The following CLEC7A variants were observed in gnomAD, a reference collection of about 807,000 sequenced individuals.
CLEC7A encodes the protein C-type lectin domain family 7 member A.
A neutral mutation model predicts 26.9 loss-of-function variants in CLEC7A; 25 were observed. The observed-to-expected ratio is 0.93, with a 90% CI of 0.68 to 1.30. The LOEUF (loss-of-function observed/expected upper bound fraction) is 1.30. CLEC7A is among the 50% of genes most tolerant of loss of function. The probability of loss-of-function intolerance (pLI) is 0.00; values close to 1 mark genes in which losing one functional copy is unlikely to be tolerated. For synonymous variants in CLEC7A, 100 were observed against 99.5 expected (o/e 1.01, Z -0.03); for missense variants, 275 against 286.7 (o/e 0.96, Z 0.29).
Position 10,129,929 on chromosome 12 carries a change from C to G in CLEC7A, c.103+51G>C, listed in dbSNP as rs1948433421. 3 of 1,112,062 alleles carry G rather than the reference C, an allele frequency of 2.7e-6. No homozygotes were observed. The South Asian group carries it at 3.9e-5, about 14-fold the overall frequency. 68.9% of individuals were successfully genotyped at this position (1,112,062 alleles called of 1,614,324 possible). A position where few individuals can be genotyped will look rare whatever the true frequency, so the allele number is the denominator to read the frequency against. On this transcript the variant is annotated intron_variant, in intron 1 of 5. Coordinates refer to ENST00000304084, the MANE Select transcript of CLEC7A (RefSeq NM_197947.3). ...CACCATGCCTAGCCTCCCCTTATAT[C>G]TTTTCAAACGGGAGAGCTAAAGGCA...
chr12:10,121,985 G>A (rs753423167), intron 5 of CLEC7A, among the ~76,000 whole-genome samples: 3 of 152,084 alleles, frequency 2.0e-5, no homozygotes, highest in African/African-American at 2.4e-5. Flanking sequence ...CAGCCTGGGT[G>A]ACAGAGTGAG....
intron 4 of CLEC7A, 195 bp downstream of exon 4, chr12:10,125,102 A>G (rs1240490953): frequency 3.1e-6 from 2 of 652,900 alleles, no homozygotes; most frequent in Admixed American, 2.2e-5. Flanking sequence ...CAGGAAGCTG[A>G]GGTGGGAGGA....
rs1948247292 is a variant in CLEC7A, at chr12:10,125,412, A to G, written c.377T>C (p.Ile126Thr). ...GAATAGATAACAGCTCTTCTCATAT[A>G]TAATCCAATTAGGAGGACAAGGGCT... Reference protein sequence around the residue: ...LSSPCPPNWIIYEKSCYLFSM... With the variant: ...LSSPCPPNWITYEKSCYLFSM... The change falls in exon 4 of 6, where the codon ATA becomes ACA. Residue 126 changes from isoleucine (I) to threonine (T), a missense_variant. Ile to Thr is a moderately conservative substitution (Grantham distance 89). Coordinates refer to ENST00000304084, the MANE Select transcript of CLEC7A (RefSeq NM_197947.3). The G allele has an allele frequency of 1.9e-6, 3 of 1,613,174 alleles. No homozygotes were observed. The highest frequency in any genetic ancestry group is 1.7e-6 in the Non-Finnish European group (2 of 1,179,892).
chr12:10,126,045 A>G (rs1321498454), intron 3 of CLEC7A: 1 of 303,278 alleles, frequency 3.3e-6, no homozygotes, highest in Non-Finnish European at 4.8e-6. Context: ...TAATTAAGTA[A>G]ATGAAATTGT....
Position 10,118,610 on chromosome 12 carries a change from T to C in CLEC7A, c.612-20A>G, listed in dbSNP as rs1947982187. The C allele has an allele frequency of 6.2e-7, 1 of 1,605,374 alleles. No individual in the cohort carries two copies. The highest frequency in any genetic ancestry group is 2.2e-5 in the East Asian group (1 of 44,782). On this transcript the variant is annotated intron_variant, in intron 5 of 5. Coordinates refer to ENST00000304084, the MANE Select transcript of CLEC7A (RefSeq NM_197947.3). ...TGAAATCTGTTAAAATAGAATACAG[T>C]GAGGTAATTAGAACAAATGTTAAGG...
rs118133305 is a variant in CLEC7A at position 10,118,652 on chromosome 12, C to T, written c.612-62G>A. 8.3e-4 allele frequency: 1,160 copies of T among 1,392,746 alleles called. 7 individuals are homozygous for T. Among genetic ancestry groups the T allele is most frequent in the Middle Eastern group, 4.0e-3 (22 of 5,504 alleles). 86.3% of individuals were successfully genotyped at this position (1,392,746 alleles called of 1,614,324 possible). A position where few individuals can be genotyped will look rare whatever the true frequency, so the allele number is the denominator to read the frequency against. On this transcript the variant is annotated intron_variant, in intron 5 of 5. Transcript: ENST00000304084. ...ATGTTAAGGAATACTGTCTACATGGCGCACAAATAAATTAGTAAGGATATT... is the reference window on the plus strand; with the variant it reads ...ATGTTAAGGAATACTGTCTACATGGTGCACAAATAAATTAGTAAGGATATT...
chr12:10,125,264 C>A, intron 4 of CLEC7A, 33 bp downstream of exon 4: 1 of 1,596,348 alleles, frequency 6.3e-7, no homozygotes, highest in Non-Finnish European at 8.6e-7. Context: ...AGGATACACA[C>A]CACAGATAAT....
At chr12:10,128,115 G>A (rs138125896) in intron 1 of CLEC7A, among the ~76,000 whole-genome samples, 292 of 151,302 alleles carry the variant, frequency 1.9e-3, no homozygotes, top group African/African-American at 6.6e-3. Flanking sequence ...GTGAGCTCCC[G>A]TAGTCCCAGC....
At chr12:10,127,486 T>G (rs766882581) in intron 2 of CLEC7A, 1 of 1,585,464 alleles carries the variant, frequency 6.3e-7, no homozygotes, top group Non-Finnish European at 8.7e-7. Flanking sequence ...AGAGTATGAG[T>G]TTTTTAGACA....
At chr12:10,118,686 G>A in intron 5 of CLEC7A, 96 bp from the exon 6 acceptor site, 1 of 1,040,928 alleles carries the variant, frequency 9.6e-7, no homozygotes, top group Non-Finnish European at 1.4e-6. Flanking sequence ...TTGGTGAAAA[G>A]AGTTCTGAAG....
At chr12:10,127,995 G>A in intron 1 of CLEC7A, 150 bp from the exon 2 acceptor site, 1 of 607,860 alleles carries the variant, frequency 1.6e-6, no homozygotes, top group Admixed American at 3.1e-5. Context: ...AGGATTGCTT[G>A]AGGCCAGAAG....
intron 2 of CLEC7A, chr12:10,127,124 T>A: frequency 8.4e-7 from 1 of 1,192,718 alleles, no homozygotes; most frequent in Non-Finnish European, 1.1e-6. Context: ...AACATTTGAC[T>A]AATTAAGGAA....
intron 5 of CLEC7A, among the ~76,000 whole-genome samples, chr12:10,118,939 A>G (rs1361000837): frequency 6.6e-6 from 1 of 152,170 alleles, no homozygotes; most frequent in Non-Finnish European, 1.5e-5. Context: ...ATCAAGTAAC[A>G]GTTTAATTAA....
intron 5 of CLEC7A, among the ~76,000 whole-genome samples, chr12:10,121,848 T>C (rs11053604): frequency 0.13 from 20,001 of 151,532 alleles, 1,741 homozygotes; most frequent in African/African-American, 0.26. Flanking sequence ...CTCTACTAAA[T>C]ATACAAAAAA....
chr12:10,125,758 T>A (rs1488190156), intron 3 of CLEC7A, among the ~76,000 whole-genome samples: 1 of 152,162 alleles, frequency 6.6e-6, no homozygotes, highest in African/African-American at 2.4e-5. Context: ...AATAACTCCT[T>A]AAAATAAGTC....
At chr12:10,124,973 G>T in intron 4 of CLEC7A, 1 of 278,280 alleles carries the variant, frequency 3.6e-6, no homozygotes, top group African/African-American at 2.2e-5. Context: ...GAGGTAGGCA[G>T]ATCGCTTGTG....
intron 4 of CLEC7A, among the ~76,000 whole-genome samples, 177 bp from the exon 5 acceptor site, chr12:10,123,540 T>A (rs1220111243): frequency 1.3e-5 from 2 of 151,210 alleles, no homozygotes; most frequent in Non-Finnish European, 2.9e-5. Flanking sequence ...GGCGGGTAGA[T>A]CATGAGGTCA....
At position 10,123,509 on chromosome 12, in the gene CLEC7A, C is replaced by T. The variant is rs889758034; in HGVS notation, c.493-146G>A. 3 of 603,538 alleles carry T rather than the reference C, an allele frequency of 5.0e-6. No individual in the cohort carries two copies. In the African/African-American group the frequency reaches 5.6e-5, roughly 11 times the overall value. The allele number at this position is 603,538 out of a possible 1,614,324, so 37.4% of individuals were successfully genotyped here. A position where few individuals can be genotyped will look rare whatever the true frequency, so the allele number is the denominator to read the frequency against. On this transcript the variant is annotated intron_variant, in intron 4 of 5. Transcript: ENST00000304084. ...GGGCGCGGTGGCTCACGCCTGTAAT[C>T]CCAGCACTTTGGGAGGCCGAGGCGG...
intron 2 of CLEC7A, 191 bp from the exon 3 acceptor site, chr12:10,126,899 A>C (rs1053157261): frequency 3.0e-6 from 2 of 676,590 alleles, no homozygotes; most frequent in African/African-American, 3.8e-5. Context: ...CATAACTTTT[A>C]TAAAGGAGGT....
Sources: gnomAD v4.1 joint callset for allele counts (sites outside exome capture counted in the v4.1 genomes callset) on GRCh38, gnomAD v4.1.1 for gene constraint, MANE v1.5 for transcripts, NCBI Gene and HGNC (gene_info 2026-07-23, HGNC 2026-07-21) for gene names.